TERB1: variants seen among roughly 807,000 people sequenced by gnomAD.
TERB1 encodes the protein telomere repeats-binding bouquet formation protein 1.
In TERB1, 63 loss-of-function variants were observed where a neutral mutation model predicts 92.3. The ratio of observed to expected loss-of-function variants is 0.68; its 90% CI spans 0.56 to 0.84. TERB1 has a LOEUF of 0.84. Among genes scored for constraint, TERB1 ranks in the 40% least tolerant of loss-of-function variants. The pLI, the probability that TERB1 is intolerant of heterozygous loss-of-function variation, is 0.00. For synonymous variants in TERB1, 252 were observed against 283.9 expected (o/e 0.89, Z 1.13); for missense variants, 709 against 843.7 (o/e 0.84, Z 1.98).
intron 16 of TERB1, among the ~76,000 whole-genome samples, chr16:66,760,768 A>G (rs1263657268): frequency 1.1e-5 from 1 of 94,542 alleles, no homozygotes; most frequent in East Asian, 3.1e-4. Flanking sequence ...TGGGTGACAG[A>G]GCGAGACTCC....
intron 11 of TERB1, among the ~76,000 whole-genome samples, chr16:66,776,713 G>A (rs373361103): frequency 3.3e-5 from 5 of 151,900 alleles, no homozygotes. Flanking sequence ...AAAGTAGAGA[G>A]GAGGAGGAAA....
At chr16:66,756,116 T>C (rs909128446) in intron 18 of TERB1, among the ~76,000 whole-genome samples, 23 of 152,244 alleles carry the variant, frequency 1.5e-4, no homozygotes, top group Non-Finnish European at 2.6e-4. Context: ...TTAAGCTTTT[T>C]CATTCATTAT....
chr16:66,784,585 G>A (rs1194337449), intron 9 of TERB1, among the ~76,000 whole-genome samples: 1 of 151,560 alleles, frequency 6.6e-6, no homozygotes, highest in Non-Finnish European at 1.5e-5. Context: ...CCTCCACCTC[G>A]GACTCCCAAA....
At chr16:66,784,456 C>T (rs1032323860) in intron 9 of TERB1, among the ~76,000 whole-genome samples, 3 of 151,590 alleles carry the variant, frequency 2.0e-5, no homozygotes, top group Non-Finnish European at 4.4e-5. Context: ...CTCAGCCACC[C>T]GAGTAGCCGG....
chr16:66,797,234 CTTTT>C (rs570658663), intron 2 of TERB1, among the ~76,000 whole-genome samples: 5 of 137,830 alleles, frequency 3.6e-5, no homozygotes, highest in African/African-American at 2.6e-5. Flanking sequence ...CATTTCCTTC[CTTTT>C]TTTTTTTTTT....
intron 3 of TERB1, 44 bp from the exon 4 acceptor site, chr16:66,791,063 T>G (rs2018826431): frequency 9.1e-7 from 1 of 1,101,980 alleles, no homozygotes; most frequent in Admixed American, 2.7e-5. Flanking sequence ...AAGGTTTATT[T>G]CATAAACTAA....
At chr16:66,772,804 T>A (rs903410012) in intron 12 of TERB1, 55 bp from the exon 13 acceptor site, 4 of 1,340,366 alleles carry the variant, frequency 3.0e-6, no homozygotes, top group African/African-American at 3.0e-5. Flanking sequence ...ACTTTATATA[T>A]AAGGACAACT....
intron 9 of TERB1, among the ~76,000 whole-genome samples, chr16:66,782,801 G>A (rs538854572): frequency 1.6e-4 from 24 of 152,182 alleles, no homozygotes; most frequent in African/African-American, 5.5e-4. Flanking sequence ...TGAAAGTGAC[G>A]TTCTTACAGT....
intron 9 of TERB1, among the ~76,000 whole-genome samples, chr16:66,784,062 T>G (rs925171497): frequency 1.4e-4 from 22 of 152,360 alleles, no homozygotes; most frequent in Admixed American, 8.5e-4. Flanking sequence ...TTTCTACTAT[T>G]CTTTTATTAC....
At chr16:66,761,451 CA>C (rs376145995) in intron 16 of TERB1, among the ~76,000 whole-genome samples, 20 of 107,176 alleles carry the variant, frequency 1.9e-4, no homozygotes, top group South Asian at 3.4e-4. Flanking sequence ...GACTCTGTCT[CA>C]AAAAAAAAAA....
intron 16 of TERB1, among the ~76,000 whole-genome samples, chr16:66,761,109 C>CAAAAAAA (rs34199990): frequency 1.7e-4 from 12 of 70,578 alleles, no homozygotes; most frequent in South Asian, 4.8e-4. Flanking sequence ...GACTCCACCT[C>CAAAAAAA]AAAAAAAAAA....
At chr16:66,770,993 G>A (rs2018440637) in intron 13 of TERB1, among the ~76,000 whole-genome samples, 1 of 152,014 alleles carries the variant, frequency 6.6e-6, no homozygotes, top group Non-Finnish European at 1.5e-5. Context: ...TGGGACCACA[G>A]GCATACAACA....
chr16:66,782,582 A>T (rs1030497552), intron 9 of TERB1, among the ~76,000 whole-genome samples: 7 of 151,650 alleles, frequency 4.6e-5, no homozygotes, highest in African/African-American at 1.4e-4. Context: ...CTGTAAGTCT[A>T]TACCTACACC....
intron 18 of TERB1, among the ~76,000 whole-genome samples, chr16:66,756,568 G>A (rs1433509913): frequency 6.6e-6 from 1 of 152,140 alleles, no homozygotes; most frequent in East Asian, 1.9e-4. Flanking sequence ...TGGGTGTACT[G>A]GAAAACTGTG....
chr16:66,768,578 T>C (rs367954819), intron 14 of TERB1, among the ~76,000 whole-genome samples: 106 of 152,320 alleles, frequency 7.0e-4, no homozygotes, highest in African/African-American at 2.3e-3. Context: ...AACATTTGTA[T>C]GTTTGAACCC....
At chr16:66,759,343 C>T in intron 16 of TERB1, 53 bp from the exon 17 acceptor site, 1 of 1,354,064 alleles carries the variant, frequency 7.4e-7, no homozygotes, top group Non-Finnish European at 1.0e-6. Flanking sequence ...TATCTAGTAA[C>T]AAATCTATGA....
chr16:66,777,394 T>C, intron 10 of TERB1, 60 bp from the exon 11 acceptor site: 3 of 1,063,536 alleles, frequency 2.8e-6, no homozygotes, highest in Non-Finnish European at 4.0e-6. Flanking sequence ...AATGTATATA[T>C]ACTATGTATT....
At chr16:66,758,863 C>T in intron 17 of TERB1, 25 bp from the exon 18 acceptor site, 1 of 1,447,298 alleles carries the variant, frequency 6.9e-7, no homozygotes, top group Non-Finnish European at 9.4e-7. Flanking sequence ...AAACATTTAG[C>T]ACATTTAGCG....
intron 13 of TERB1, among the ~76,000 whole-genome samples, chr16:66,770,594 A>G (rs2018431022): frequency 6.6e-6 from 1 of 152,156 alleles, no homozygotes; most frequent in South Asian, 2.1e-4. Flanking sequence ...AAAGTCATAT[A>G]TGTTCTAAAA....
Sources: gnomAD v4.1 joint callset for allele counts (sites outside exome capture counted in the v4.1 genomes callset) on GRCh38, gnomAD v4.1.1 for gene constraint, MANE v1.5 for transcripts, NCBI Gene and HGNC (gene_info 2026-07-23, HGNC 2026-07-21) for gene names.